The following PACSIN2 variants were observed in gnomAD, a reference collection of about 807,000 sequenced individuals.
PACSIN2 encodes protein kinase C and casein kinase substrate in neurons protein 2.
PACSIN2 carries 25 observed loss-of-function variants against 63.8 expected under a neutral mutation model. The observed-to-expected ratio is 0.39, with a 90% confidence interval of 0.29 to 0.55. PACSIN2 has a LOEUF of 0.55. Among genes scored for constraint, PACSIN2 ranks in the 20% least tolerant of loss-of-function variants. The pLI, the probability that PACSIN2 is intolerant of heterozygous loss-of-function variation, is 0.62. For missense variants in PACSIN2, 518 were observed against 646.9 expected, an observed-to-expected ratio of 0.80 and a Z score of 2.16; for synonymous variants, 255 against 256.2, an observed-to-expected ratio of 1.00 and a Z score of 0.05.
At chr22:42,938,289 C>G (rs2038058) in intron 1 of PACSIN2, among the ~76,000 whole-genome samples, 92,230 of 151,994 alleles carry the variant, frequency 0.61, 28,578 homozygotes, top group East Asian at 0.78. Flanking sequence ...TGAAAACACA[C>G]ACGGTTCTGA....
chr22:42,929,966 G>A (rs1326445853), intron 1 of PACSIN2, among the ~76,000 whole-genome samples: 1 of 152,222 alleles, frequency 6.6e-6, no homozygotes, highest in Non-Finnish European at 1.5e-5. Context: ...CTCAGATGGA[G>A]GGCGGTCATC....
chr22:43,000,387 A>G (rs1360554954), intron 1 of PACSIN2, among the ~76,000 whole-genome samples: 1 of 152,210 alleles, frequency 6.6e-6, no homozygotes, highest in East Asian at 1.9e-4. Flanking sequence ...CGAGTTCCCA[A>G]TGGACTGAGT....
At chr22:43,007,214 T>C (rs1924149050) in intron 1 of PACSIN2, among the ~76,000 whole-genome samples, 1 of 150,602 alleles carries the variant, frequency 6.6e-6, no homozygotes, top group East Asian at 1.9e-4. Context: ...CACACACCTC[T>C]TGTTCTTTTT....
intron 1 of PACSIN2, among the ~76,000 whole-genome samples, chr22:43,001,257 C>A (rs1389977867): frequency 6.6e-6 from 1 of 152,208 alleles, no homozygotes; most frequent in African/African-American, 2.4e-5. Flanking sequence ...TTGGGAGTAA[C>A]CGCCAGCTTA....
chr22:42,925,861 C>T (rs894736298), intron 1 of PACSIN2, among the ~76,000 whole-genome samples: 3 of 152,158 alleles, frequency 2.0e-5, no homozygotes, highest in Admixed American at 1.3e-4. Flanking sequence ...AACCCAGCTG[C>T]GGCCCATGGG....
rs911611355 is a variant in PACSIN2 at position 43,010,396 on chromosome 22, A to ATT, written c.-78+4624_-78+4625insAA. ...TCTGTTTAAAAATACATATATATAT[A>ATT]TATTTTTTTTTAATTGAAAATAAAA... On this transcript the variant is annotated intron_variant, in intron 1 of 10. Coordinates refer to ENST00000263246, the MANE Select transcript of PACSIN2 (RefSeq NM_001184970.3). Among the ~76,000 whole-genome samples the ATT allele has an allele frequency of 4.0e-3, 251 of 62,678 alleles. 6 individuals are homozygous for ATT. Among genetic ancestry groups the ATT allele is most frequent in the African/African-American group, 0.015 (238 of 15,646 alleles). 41.1% of individuals were successfully genotyped at this position (62,678 alleles called of 152,430 possible).
intron 1 of PACSIN2, among the ~76,000 whole-genome samples, chr22:42,994,561 C>A (rs1401076126): frequency 2.0e-5 from 3 of 152,252 alleles, no homozygotes; most frequent in Non-Finnish European, 4.4e-5. Context: ...CTCAGCAGGA[C>A]ACGCCAGGGA....
At chr22:42,897,303 G>A (rs1271262918) in intron 2 of PACSIN2, among the ~76,000 whole-genome samples, 1 of 148,936 alleles carries the variant, frequency 6.7e-6, no homozygotes, top group Admixed American at 6.6e-5. Context: ...TACAATGCAA[G>A]AAAATTAATT....
chr22:42,987,530 CTT>C lies in PACSIN2; in HGVS notation c.-78+27489_-78+27490del, dbSNP rs1160565529. Among the ~76,000 whole-genome samples the C allele has an allele frequency of 4.4e-4, 23 of 52,024 alleles. 1 individual carries two copies. The highest frequency in any genetic ancestry group is 6.2e-4 in the Non-Finnish European group (20 of 32,352). The allele number at this position is 52,024 out of a possible 152,430, so 34.1% of individuals were successfully genotyped here. On this transcript the variant is annotated intron_variant, in intron 1 of 10. Coordinates refer to ENST00000263246, the MANE Select transcript of PACSIN2 (RefSeq NM_001184970.3). ...TGTTCAGAAGACGGGCACATTCATT[CTT>C]TTTTTTTTTTTTTTTTGAGACAGGA...
rs567233333 is a variant in PACSIN2 at position 42,893,706 on chromosome 22, G to T, written c.61-93C>A. 1.1e-4 allele frequency: 140 copies of T among 1,314,794 alleles called. 1 individual carries two copies. The African/African-American group carries it at 1.8e-3, about 17-fold the overall frequency. 81.4% of individuals were successfully genotyped at this position (1,314,794 alleles called of 1,614,324 possible). A position where few individuals can be genotyped will look rare whatever the true frequency, so the allele number is the denominator to read the frequency against. On this transcript the variant is annotated intron_variant, in intron 2 of 10. Coordinates refer to ENST00000263246, the MANE Select transcript of PACSIN2 (RefSeq NM_001184970.3). ...GCCTCCATGCCAACCAGGCCCTGATGCGCCCCTGGGGTCATGTTTACCACA... is the reference window on the plus strand; with the variant it reads ...GCCTCCATGCCAACCAGGCCCTGATTCGCCCCTGGGGTCATGTTTACCACA...
At chr22:42,889,372 T>TTACACACACACACACACA (rs1929731974) in intron 4 of PACSIN2, among the ~76,000 whole-genome samples, 1 of 102,488 alleles carries the variant, frequency 9.8e-6, no homozygotes, top group Non-Finnish European at 2.0e-5. Context: ...TTAATGGTTT[T>TTACACACACACACACACA]TACACACACA....
intron 1 of PACSIN2, among the ~76,000 whole-genome samples, chr22:42,989,388 C>T (rs1425307004): frequency 6.6e-6 from 1 of 151,336 alleles, no homozygotes; most frequent in Non-Finnish European, 1.5e-5. Flanking sequence ...ATCCCAGCTA[C>T]TAAGGAGGCT....
intron 6 of PACSIN2, among the ~76,000 whole-genome samples, chr22:42,883,149 C>T (rs1316745862): frequency 1.3e-5 from 2 of 152,176 alleles, no homozygotes; most frequent in Non-Finnish European, 2.9e-5. Context: ...GACAAGCATC[C>T]ACACGATGGG....
chr22:42,912,043 A>G lies in PACSIN2; in HGVS notation c.38T>C (p.Val13Ala). 8.1e-6 allele frequency: 13 copies of G among 1,606,274 alleles called. No homozygotes were observed. The highest frequency in any genetic ancestry group is 1.1e-5 in the Non-Finnish European group (13 of 1,177,010). ...TACCTCCCAGAAGCTGTCGCTGGAC[A>G]CTTCTACTCCAACGGAATCATCATA... ...VTYDDSVGVE[V>A]SSDSFWEVGN... The change falls in exon 2 of 11, where the codon GTG (valine) becomes GCG (alanine). Residue 13 changes from valine to alanine, a missense_variant. This residue lies in a region of PACSIN2 where 507 missense variants were observed against 612.3 expected (regional missense o/e 0.83). Transcript: ENST00000263246.
At chr22:42,927,576 G>T (rs8136052) in intron 1 of PACSIN2, among the ~76,000 whole-genome samples, 58,592 of 149,732 alleles carry the variant, frequency 0.39, 12,102 homozygotes, top group Non-Finnish European at 0.46. Context: ...TATTTATTTA[G>T]TTATTTAGTT....
chr22:42,902,299 C>T (rs986407955), intron 2 of PACSIN2, among the ~76,000 whole-genome samples: 3 of 152,160 alleles, frequency 2.0e-5, no homozygotes, highest in African/African-American at 7.2e-5. Flanking sequence ...TGCCATGAGG[C>T]CCACGGAGAG....
intron 1 of PACSIN2, among the ~76,000 whole-genome samples, chr22:42,950,217 G>A (rs1444658412): frequency 1.3e-5 from 2 of 151,940 alleles, no homozygotes; most frequent in Non-Finnish European, 2.9e-5. Flanking sequence ...GTAATCTAGA[G>A]ATGATTTAAA....
chr22:42,982,005 G>A (rs1261124113), intron 1 of PACSIN2, among the ~76,000 whole-genome samples: 1 of 80,730 alleles, frequency 1.2e-5, no homozygotes, highest in Non-Finnish European at 2.8e-5. Context: ...AGGTGGGGGG[G>A]TCAGCCCCCC....
chr22:42,970,574 T>C (rs1007851720), intron 1 of PACSIN2, among the ~76,000 whole-genome samples: 1 of 152,138 alleles, frequency 6.6e-6, no homozygotes, highest in Non-Finnish European at 1.5e-5. Flanking sequence ...ACATATAGAA[T>C]TCTTGTAAAA....
Sources: allele counts gnomAD v4.1 joint callset (sites outside exome capture counted in the v4.1 genomes callset), GRCh38; gene constraint gnomAD v4.1.1; regional missense constraint gnomAD v4.1.1; transcripts MANE v1.5; gene names NCBI Gene and HGNC (gene_info 2026-07-23, HGNC 2026-07-21).